SLC28A3: variants seen among roughly 807,000 people sequenced by gnomAD.
The protein encoded by SLC28A3 is solute carrier family 28 member 3.
Under a neutral mutation model 84.2 loss-of-function variants are expected in SLC28A3, and 68 were observed. The ratio of observed to expected loss-of-function variants is 0.81; its 90% CI spans 0.66 to 0.99. SLC28A3 has a LOEUF of 0.99. Ranked by LOEUF, SLC28A3 falls within the 50% of genes least tolerant of loss-of-function variation. The pLI is 0.00. For missense variants in SLC28A3, 712 were observed against 841.5 expected (o/e 0.85, Z 1.90); for synonymous variants, 267 against 303.6 (o/e 0.88, Z 1.25).
chr9:84,358,626 A>G, the SLC28A3 span, among the ~76,000 whole-genome samples: 1 of 152,162 alleles, frequency 6.6e-6, no homozygotes, highest in African/African-American at 2.4e-5. Flanking sequence ...ATGGTCTATG[A>G]AATTCTTGAA....
chr9:84,302,418 A>G (rs1467117397), intron 4 of SLC28A3, 29 bp from the exon 5 acceptor site: 2 of 1,604,278 alleles, frequency 1.2e-6, no homozygotes, highest in Non-Finnish European at 1.7e-6. Flanking sequence ...CAGACACTGA[A>G]CATCACTAAC....
At chr9:84,297,411 C>T in intron 7 of SLC28A3, 113 bp from the exon 8 acceptor site, 1 of 772,774 alleles carries the variant, frequency 1.3e-6, no homozygotes, top group Middle Eastern at 2.3e-4. Flanking sequence ...GTTGGATAGA[C>T]TTGGAAAGTT....
In SLC28A3 at chr9:84,297,412, T is replaced by A. The variant is rs1179667638; in HGVS notation, c.784-114A>T. The stretch of plus-strand genomic sequence containing the variant: ...GACCCAGCAAATGTGTTGGATAGAC[T>A]TGGAAAGTTAATGTTCTCAGCTTTG... On this transcript the variant is annotated intron_variant, in intron 7 of 17. Coordinates refer to ENST00000376238, the MANE Select transcript of SLC28A3 (RefSeq NM_001199633.2). The A allele has an allele frequency of 3.4e-5, 26 of 769,672 alleles. 1 individual carries two copies. In the Admixed American group the frequency reaches 6.8e-4, roughly 20 times the overall value. 47.7% of individuals were successfully genotyped at this position (769,672 alleles called of 1,614,324 possible). A position where few individuals can be genotyped will look rare whatever the true frequency, so the allele number is the denominator to read the frequency against.
chr9:84,313,430 C>T lies in SLC28A3; in HGVS notation c.85G>A (p.Glu29Lys), dbSNP rs267602295. Residue 29 changes from glutamate (E) to lysine (K), a missense_variant, in exon 2 of 18, where the codon GAG becomes AAG. By Grantham distance (56) the Glu-to-Lys change is moderately conservative (BLOSUM62 1). Coordinates refer to ENST00000376238, the MANE Select transcript of SLC28A3 (RefSeq NM_001199633.2). ...FQNEENFLENENTSGNNSIRS... is the reference protein window; with the variant it reads ...FQNEENFLENKNTSGNNSIRS... ...ATTGAGTTGTTTCCTGATGTGTTCT[C>T]GTTCTCAAGAAAGTTTTCTTCATTC... 31 of 1,613,698 alleles carry T rather than the reference C, an allele frequency of 1.9e-5. No individual in the cohort carries two copies. The East Asian group carries it at 2.2e-4, about 12-fold the overall frequency.
At chr9:84,285,286 A>G (rs1824935768) in intron 14 of SLC28A3, 59 bp downstream of exon 14, 3 of 1,514,986 alleles carry the variant, frequency 2.0e-6, no homozygotes, top group South Asian at 2.3e-5. Context: ...GGCATAAGTA[A>G]TAGACGAATG....
the SLC28A3 span, among the ~76,000 whole-genome samples, chr9:84,348,407 G>A: frequency 6.6e-6 from 1 of 151,522 alleles, no homozygotes; most frequent in Non-Finnish European, 1.5e-5. Context: ...TTCCAATTCA[G>A]GCTTTACTTC....
intron 1 of SLC28A3, among the ~76,000 whole-genome samples, chr9:84,319,078 G>GA (rs1481682666): frequency 2.0e-5 from 3 of 152,228 alleles, no homozygotes; most frequent in South Asian, 4.1e-4. Context: ...TGCCAAAGTA[G>GA]AAAAAATCAT....
At chr9:84,289,741 C>A (rs1037955753) in intron 11 of SLC28A3, among the ~76,000 whole-genome samples, 2 of 152,212 alleles carry the variant, frequency 1.3e-5, no homozygotes, top group Non-Finnish European at 2.9e-5. Flanking sequence ...CTGCCAGAGA[C>A]AAATGAATAG....
intron 4 of SLC28A3, among the ~76,000 whole-genome samples, chr9:84,304,046 A>G (rs1334965453): frequency 1.3e-5 from 2 of 152,150 alleles, no homozygotes; most frequent in Non-Finnish European, 2.9e-5. Flanking sequence ...GCAACCCTTT[A>G]TGACTTTCCT....
At chr9:84,302,081 G>T (rs1263840144) in intron 5 of SLC28A3, 119 bp downstream of exon 5, 2 of 867,720 alleles carry the variant, frequency 2.3e-6, no homozygotes, top group African/African-American at 1.7e-5. Flanking sequence ...TACTTCCTAG[G>T]GTGTTTCTAG....
chr9:84,351,009 C>T, the SLC28A3 span, among the ~76,000 whole-genome samples: 1 of 152,138 alleles, frequency 6.6e-6, no homozygotes, highest in African/African-American at 2.4e-5. Flanking sequence ...GCCCAGTCAA[C>T]TTTTTTACCT....
chr9:84,305,202 GAAAAAA>G lies in SLC28A3; in HGVS notation c.334+46_334+51del, dbSNP rs35729465. On this transcript the variant is annotated intron_variant, in intron 4 of 17. Transcript: ENST00000376238. ...AAAGTTAATATTTGGGGGAATCCCT[GAAAAAA>G]AAAAAAAAAAAGACAGTGGTATCCC... 6.9e-6 allele frequency: 8 copies of G among 1,165,880 alleles called. No homozygotes were observed. In the African/African-American group the frequency reaches 7.0e-5, roughly 10 times the overall value. The allele number at this position is 1,165,880 out of a possible 1,614,324, so 72.2% of individuals were successfully genotyped here.
chr9:84,320,637 G>A (rs368976304), intron 1 of SLC28A3, among the ~76,000 whole-genome samples: 12 of 152,218 alleles, frequency 7.9e-5, no homozygotes, highest in African/African-American at 2.9e-4. Context: ...ACTATGGGAC[G>A]GACACTGCTT....
the SLC28A3 span, among the ~76,000 whole-genome samples, chr9:84,368,035 G>C: frequency 6.6e-6 from 1 of 152,102 alleles, no homozygotes; most frequent in Non-Finnish European, 1.5e-5. Context: ...GTCGGGTTGG[G>C]GGATGGTAAG....
the SLC28A3 span, among the ~76,000 whole-genome samples, chr9:84,355,447 A>G: frequency 6.6e-6 from 1 of 152,298 alleles, no homozygotes; most frequent in Admixed American, 6.5e-5. Flanking sequence ...TGGGGGAAAA[A>G]AACACGTCAG....
chr9:84,358,701 C>T, the SLC28A3 span, among the ~76,000 whole-genome samples: 5 of 152,278 alleles, frequency 3.3e-5, no homozygotes, highest in South Asian at 1.0e-3. Context: ...TACAAGTTCA[C>T]CCTCACTGTG....
chr9:84,288,230 T>A (rs1825075513), intron 11 of SLC28A3, 52 bp from the exon 12 acceptor site: 2 of 1,610,632 alleles, frequency 1.2e-6, no homozygotes, highest in East Asian at 2.2e-5. Flanking sequence ...TTTTCTTGTG[T>A]TCAGAGGAAG....
At chr9:84,362,433 A>T in the SLC28A3 span, among the ~76,000 whole-genome samples, 14 of 152,138 alleles carry the variant, frequency 9.2e-5, no homozygotes, top group African/African-American at 3.4e-4. Context: ...GGGGTTGAAG[A>T]TCAGCCTGGC....
At chr9:84,344,218 C>T (rs1339840060), upstream of SLC28A3, among the ~76,000 whole-genome samples, 1 of 124,778 alleles carries the variant, frequency 8.0e-6, no homozygotes, top group Non-Finnish European at 1.6e-5. Flanking sequence ...CAGACAGAGT[C>T]TTGCTCTGTT....
Sources: allele counts gnomAD v4.1 joint callset (sites outside exome capture counted in the v4.1 genomes callset), GRCh38; gene constraint gnomAD v4.1.1; transcripts MANE v1.5; gene names NCBI Gene and HGNC (gene_info 2026-07-23, HGNC 2026-07-21).